UIMC1: variants seen among roughly 807,000 people sequenced by gnomAD.
The protein encoded by UIMC1 is BRCA1-A complex subunit RAP80.
Under a neutral mutation model 84.9 loss-of-function variants are expected in UIMC1, and 42 were observed. That is an observed-to-expected ratio of 0.49 (90% CI 0.39 to 0.64). UIMC1 has a LOEUF of 0.64. UIMC1 is among the 30% of genes least tolerant of loss of function. The pLI is 0.00. For synonymous variants in UIMC1, 281 were observed against 293.0 expected, an observed-to-expected ratio of 0.96 and a Z score of 0.42; for missense variants, 825 against 847.6, an observed-to-expected ratio of 0.97 and a Z score of 0.33.
In UIMC1 at chr5:176,908,650, T is replaced by C. The variant is rs1308497935; in HGVS notation, c.1721A>G (p.Glu574Gly). Reference protein sequence around the residue: ...YLCKSLVPFREYQCHVDSCLQ... With the variant: ...YLCKSLVPFRGYQCHVDSCLQ... ...ACAGGAGTCCACATGACACTGATAC[T>C]CTCTAAATGGGACCAGGGATTTACA... Residue 574 changes from glutamate to glycine, a missense_variant, in exon 12 of 15, where the codon GAG becomes GGG. Physicochemically the swap from Glu to Gly is moderately conservative, Grantham distance 98 (BLOSUM62 -2). Coordinates refer to ENST00000511320, the MANE Select transcript of UIMC1 (RefSeq NM_001199298.2). The C allele has an allele frequency of 1.9e-6, 3 of 1,614,044 alleles. No homozygotes were observed. In the African/African-American group the frequency reaches 4.0e-5, roughly 22 times the overall value.
intron 1 of UIMC1, among the ~76,000 whole-genome samples, chr5:177,016,091 G>A (rs1407864663): frequency 6.6e-6 from 1 of 151,868 alleles, no homozygotes; most frequent in Admixed American, 6.6e-5. Flanking sequence ...GAGGCAGGAC[G>A]CGGTGGCTCA....
Position 176,943,399 on chromosome 5 carries a change from G to C in UIMC1, c.1533C>G (p.Cys511Trp). 1 of 1,614,160 alleles carries C rather than the reference G, an allele frequency of 6.2e-7. No individual in the cohort carries two copies. The highest frequency in any genetic ancestry group is 2.2e-5 in the East Asian group (1 of 44,880). The change falls in exon 10 of 15, where the codon TGC (cysteine) becomes TGG (tryptophan). Residue 511 changes from cysteine to tryptophan, a missense_variant. Transcript: ENST00000511320. ...NQVSCPLCDQ[C>W]FPPTKIERHA... ...GTCGTTCAATCTTTGTGGGTGGAAA[G>C]CATTGGTCACATAGCGGGCAGGATA... is the stretch of plus-strand genomic sequence containing the variant.
Position 176,905,504 on chromosome 5 carries a change from G to A in UIMC1, c.1950-12C>T, listed in dbSNP as rs1759238790. On this transcript the variant is annotated splice_polypyrimidine_tract_variant and intron_variant, in intron 14 of 14. Transcript: ENST00000511320. ...CTGGTGAAGGCACCCTAGAGAGAAG[G>A]AAAAAAATTCAGATTCAATATACAC... 3 of 1,607,828 alleles carry A rather than the reference G, an allele frequency of 1.9e-6. No individual in the cohort carries two copies. The highest frequency in any genetic ancestry group is 2.5e-6 in the Non-Finnish European group (3 of 1,178,362).
At chr5:177,019,115 T>G (rs528158318) in intron 1 of UIMC1, among the ~76,000 whole-genome samples, 1 of 152,272 alleles carries the variant, frequency 6.6e-6, no homozygotes, top group South Asian at 2.1e-4. Context: ...GAATAAATAA[T>G]GTGCAGTCAC....
At chr5:176,963,862 T>A (rs888021544) in intron 6 of UIMC1, among the ~76,000 whole-genome samples, 6 of 151,480 alleles carry the variant, frequency 4.0e-5, no homozygotes, top group Admixed American at 3.3e-4. Context: ...AAAAAAAAAA[T>A]TCCAATATCC....
rs1343483368 is a variant in UIMC1 at position 176,914,069 on chromosome 5, T to TACCATACCATACCATACCATACCAC, written c.1598-2681_1598-2680insGTGGTATGGTATGGTATGGTATGGT. ...TACCATACCATACCATACCATACCA[T>TACCATACCATACCATACCATACCAC]ACCACACCACACCACACCATACCAT... On this transcript the variant is annotated intron_variant, in intron 10 of 14. Transcript: ENST00000511320. 1.5e-3 allele frequency among the ~76,000 whole-genome samples: 214 copies of TACCATACCATACCATACCATACCAC among 144,492 alleles called. 2 individuals are homozygous for TACCATACCATACCATACCATACCAC. The highest frequency in any genetic ancestry group is 5.6e-3 in the African/African-American group (197 of 35,080). 94.8% of individuals were successfully genotyped at this position (144,492 alleles called of 152,430 possible).
rs938515495 is a variant in UIMC1 at position 176,911,243 on chromosome 5, G to C, written c.1676+68C>G. On this transcript the variant is annotated intron_variant, in intron 11 of 14. Coordinates refer to ENST00000511320, the MANE Select transcript of UIMC1 (RefSeq NM_001199298.2). ...GAAATACAGGGTAAGATAGGAATTG[G>C]TCTTTTTATTCAGTCCAAACGATGG... 7.6e-6 allele frequency: 10 copies of C among 1,316,530 alleles called. No individual in the cohort carries two copies. The Admixed American group carries it at 1.6e-4, about 22-fold the overall frequency. The allele number at this position is 1,316,530 out of a possible 1,614,324, so 81.6% of individuals were successfully genotyped here. A position where few individuals can be genotyped will look rare whatever the true frequency, so the allele number is the denominator to read the frequency against.
intron 2 of UIMC1, 34 bp downstream of exon 2, chr5:176,982,435 C>G (rs1771197085): frequency 6.3e-7 from 1 of 1,595,904 alleles, no homozygotes; most frequent in African/African-American, 1.4e-5. Flanking sequence ...AGTTTGAGAG[C>G]TACAGCTCTA....
intron 10 of UIMC1, among the ~76,000 whole-genome samples, chr5:176,942,137 G>A (rs1451193938): frequency 6.6e-6 from 1 of 152,156 alleles, no homozygotes; most frequent in Non-Finnish European, 1.5e-5. Flanking sequence ...ACCGCGCCCA[G>A]CCTCTGGTAC....
At chr5:177,011,090 CTGAGGTGGGAGG>C (rs1775539041), upstream of UIMC1, among the ~76,000 whole-genome samples, 1 of 151,690 alleles carries the variant, frequency 6.6e-6, no homozygotes, top group Admixed American at 6.6e-5. Context: ...ACTCGGGAGG[CTGAGGTGGGAGG>C]ATAGCTTGAG....
intron 6 of UIMC1, among the ~76,000 whole-genome samples, chr5:176,967,656 A>G (rs888235074): frequency 3.9e-5 from 6 of 152,204 alleles, no homozygotes; most frequent in Non-Finnish European, 7.3e-5. Flanking sequence ...CACTGCCAAC[A>G]CTTCAGGAGA....
At position 176,999,115 on chromosome 5, in the gene UIMC1, C is replaced by T. The variant is rs182677947; in HGVS notation, c.-9+7535G>A. ...ACTGAGGTGGGAGATAACTTGTGCC[C>T]GTGAGATCAAGGCTGCAGTCACTCC... is the stretch of plus-strand genomic sequence containing the variant. On this transcript the variant is annotated intron_variant, in intron 1 of 14. Transcript: ENST00000511320. Among the ~76,000 whole-genome samples the T allele has an allele frequency of 2.8e-3, 427 of 152,118 alleles. 1 individual carries two copies. Among genetic ancestry groups the T allele is most frequent in the African/African-American group, 9.8e-3 (408 of 41,510 alleles).
At chr5:176,987,346 T>C (rs1772179989) in intron 1 of UIMC1, among the ~76,000 whole-genome samples, 1 of 151,768 alleles carries the variant, frequency 6.6e-6, no homozygotes, top group Non-Finnish European at 1.5e-5. Context: ...AAACTGAAAT[T>C]TTAAAAATTA....
intron 1 of UIMC1, among the ~76,000 whole-genome samples, chr5:176,987,893 G>A (rs1772264107): frequency 6.6e-6 from 1 of 151,702 alleles, no homozygotes; most frequent in South Asian, 2.1e-4. Flanking sequence ...ACTCTGAGAG[G>A]CCAAGACTGG....
chr5:177,002,662 G>A (rs1040500271), intron 1 of UIMC1, among the ~76,000 whole-genome samples: 7 of 151,958 alleles, frequency 4.6e-5, no homozygotes, highest in South Asian at 2.1e-4. Flanking sequence ...TCAACCGGGC[G>A]TAGTGGCACG....
Position 176,908,281 on chromosome 5 carries a change from T to TTA in UIMC1, c.1848+240_1848+241dup, listed in dbSNP as rs556908096. Among the ~76,000 whole-genome samples the TTA allele has an allele frequency of 3.9e-5, 6 of 152,230 alleles. 1 individual carries two copies. The South Asian group carries it at 1.0e-3, about 26-fold the overall frequency. On this transcript the variant is annotated intron_variant, in intron 12 of 14. Transcript: ENST00000511320. ...AGGTTATCATCTTTGAGTAGCTAAA[T>TTA]TATAGGTGATGATTTCCCCTGATTA...
At chr5:176,957,152 A>C (rs1163179863) in intron 7 of UIMC1, among the ~76,000 whole-genome samples, 1 of 152,124 alleles carries the variant, frequency 6.6e-6, no homozygotes, top group Admixed American at 6.6e-5. Context: ...CTCTGTTAAA[A>C]CCACTTCCAA....
chr5:176,954,842 T>C (rs2149460498), intron 8 of UIMC1, among the ~76,000 whole-genome samples: 1 of 151,994 alleles, frequency 6.6e-6, no homozygotes, highest in East Asian at 1.9e-4. Context: ...AAAATATTTA[T>C]AGGTCTTTCC....
At chr5:176,997,617 G>A (rs556179587) in intron 1 of UIMC1, among the ~76,000 whole-genome samples, 21 of 148,946 alleles carry the variant, frequency 1.4e-4, no homozygotes, top group African/African-American at 4.2e-4. Flanking sequence ...CCCAGGAGAC[G>A]GAGCTTGCAG....
Sources: allele counts gnomAD v4.1 joint callset (sites outside exome capture counted in the v4.1 genomes callset), GRCh38; gene constraint gnomAD v4.1.1; transcripts MANE v1.5; gene names NCBI Gene and HGNC (gene_info 2026-07-23, HGNC 2026-07-21).